Variants in CENPP observed in about 807,000 individuals in gnomAD.
The protein encoded by CENPP is centromere protein P.
A neutral mutation model predicts 35.6 loss-of-function variants in CENPP; 24 were observed. The observed-to-expected ratio is 0.67, with a 90% CI of 0.49 to 0.95. The LOEUF (loss-of-function observed/expected upper bound fraction) is 0.95. CENPP is among the 40% of genes least tolerant of loss of function. The pLI, the probability that CENPP is intolerant of heterozygous loss-of-function variation, is 0.00. For synonymous variants in CENPP, 120 were observed against 125.5 expected, an observed-to-expected ratio of 0.96 and a Z score of 0.29; for missense variants, 332 against 345.3, an observed-to-expected ratio of 0.96 and a Z score of 0.31.
intron 5 of CENPP, among the ~76,000 whole-genome samples, chr9:92,380,701 G>A (rs1046745677): frequency 6.6e-6 from 1 of 151,948 alleles, no homozygotes; most frequent in Non-Finnish European, 1.5e-5. Flanking sequence ...TGTTATATTC[G>A]ATCATAGGTA....
intron 5 of CENPP, among the ~76,000 whole-genome samples, chr9:92,467,716 T>C (rs775228954): frequency 3.9e-5 from 6 of 152,240 alleles, no homozygotes; most frequent in Non-Finnish European, 5.9e-5. Flanking sequence ...TAAACTTGTA[T>C]CTGCACGTTT....
chr9:92,592,888 A>G (rs1432434382), intron 5 of CENPP, among the ~76,000 whole-genome samples: 1 of 152,236 alleles, frequency 6.6e-6, no homozygotes. Context: ...TATACCCAGC[A>G]TTTAACATCA....
At chr9:92,484,190 AC>A (rs939221398) in intron 5 of CENPP, among the ~76,000 whole-genome samples, 9 of 152,300 alleles carry the variant, frequency 5.9e-5, no homozygotes, top group East Asian at 1.9e-4. Context: ...CCAAAAAAAA[AC>A]ATATCATAAT....
chr9:92,470,613 A>T, intron 5 of CENPP: 1 of 940,314 alleles, frequency 1.1e-6, no homozygotes, highest in Non-Finnish European at 1.6e-6. Context: ...TAATCATTAT[A>T]GCAAAGATAC....
intron 5 of CENPP, among the ~76,000 whole-genome samples, chr9:92,533,305 A>AACAAAC (rs1289680784): frequency 2.6e-5 from 1 of 38,024 alleles, no homozygotes; most frequent in Non-Finnish European, 4.4e-5. Flanking sequence ...GTCTCAAACA[A>AACAAAC]AAAAAAAAAA....
intron 4 of CENPP, among the ~76,000 whole-genome samples, chr9:92,355,466 T>A (rs1384053247): frequency 6.6e-6 from 1 of 152,158 alleles, no homozygotes; most frequent in African/African-American, 2.4e-5. Flanking sequence ...AGCCTCCCAG[T>A]ATGCACTACA....
intron 5 of CENPP, chr9:92,403,500 G>A: frequency 6.7e-7 from 1 of 1,483,224 alleles, no homozygotes; most frequent in Non-Finnish European, 8.9e-7. Flanking sequence ...TAAAAATTCA[G>A]ACCATCGAAG....
chr9:92,588,788 GGCTGGGTGCTTTCCT>G (rs1333212881), intron 5 of CENPP, among the ~76,000 whole-genome samples: 1 of 152,136 alleles, frequency 6.6e-6, no homozygotes, highest in East Asian at 1.9e-4. Flanking sequence ...GTGGAACCTT[GGCTGGGTGCTTTCCT>G]GGAAGAAGCT....
chr9:92,325,939 G>T (rs1295802602), upstream of CENPP: 2 of 1,415,890 alleles, frequency 1.4e-6, no homozygotes, highest in East Asian at 5.0e-5. Flanking sequence ...AAGCGCGGGT[G>T]AAGCGCGCAG....
intron 5 of CENPP, among the ~76,000 whole-genome samples, chr9:92,439,095 A>T (rs921617576): frequency 3.3e-5 from 5 of 152,204 alleles, no homozygotes; most frequent in African/African-American, 4.8e-5. Flanking sequence ...CATATGAAGC[A>T]CAATTCTGTT....
chr9:92,359,700 A>G (rs1841690227), intron 4 of CENPP, among the ~76,000 whole-genome samples: 4 of 152,194 alleles, frequency 2.6e-5, no homozygotes, highest in Admixed American at 1.3e-4. Flanking sequence ...ATGTGTAACT[A>G]CAATGGCTGC....
chr9:92,417,856 AGCTGG>A (rs1277941593), intron 5 of CENPP, among the ~76,000 whole-genome samples: 1 of 151,924 alleles, frequency 6.6e-6, no homozygotes, highest in Non-Finnish European at 1.5e-5. Flanking sequence ...CCTCCCAAGT[AGCTGG>A]GACTACAGGT....
intron 4 of CENPP, among the ~76,000 whole-genome samples, chr9:92,364,415 G>T (rs1428516088): frequency 6.6e-6 from 1 of 152,118 alleles, no homozygotes; most frequent in African/African-American, 2.4e-5. Flanking sequence ...GGTTTTGAAA[G>T]ATATCATTCT....
At chr9:92,594,181 AAAC>A (rs1850724400) in intron 5 of CENPP, among the ~76,000 whole-genome samples, 1 of 152,154 alleles carries the variant, frequency 6.6e-6, no homozygotes, top group African/African-American at 2.4e-5. Context: ...GTTTAAGAAA[AAAC>A]CAGGTGAGGG....
At chr9:92,500,556 C>T (rs931874806) in intron 5 of CENPP, among the ~76,000 whole-genome samples, 1 of 152,230 alleles carries the variant, frequency 6.6e-6, no homozygotes, top group African/African-American at 2.4e-5. Context: ...TCCTCACATA[C>T]CTGTCATCCA....
At chr9:92,552,080 C>CATATATGTGATATGATCTATCAT (rs1849618811) in intron 5 of CENPP, among the ~76,000 whole-genome samples, 3 of 74,694 alleles carry the variant, frequency 4.0e-5, no homozygotes, top group Non-Finnish European at 7.6e-5. Flanking sequence ...ATAGATCTAT[C>CATATATGTGATATGATCTATCAT]ATATATGTGA....
intron 5 of CENPP, among the ~76,000 whole-genome samples, chr9:92,395,298 T>C (rs1166716633): frequency 6.6e-6 from 1 of 152,222 alleles, no homozygotes. Flanking sequence ...ATGGAGTATC[T>C]ACTTCCTTTT....
At chr9:92,502,666 A>T in intron 5 of CENPP, 1 of 1,530,768 alleles carries the variant, frequency 6.5e-7, no homozygotes, top group South Asian at 1.2e-5. Context: ...TAATTAAGAG[A>T]GAAGACTATT....
intron 5 of CENPP, among the ~76,000 whole-genome samples, chr9:92,588,422 TA>T (rs1850591957): frequency 6.6e-6 from 1 of 151,282 alleles, no homozygotes; most frequent in South Asian, 2.1e-4. Flanking sequence ...TAATTTTTTG[TA>T]TTTTTTTTTT....
Sources: gnomAD v4.1 joint callset for allele counts (sites outside exome capture counted in the v4.1 genomes callset) on GRCh38, gnomAD v4.1.1 for gene constraint, MANE v1.5 for transcripts, NCBI Gene and HGNC (gene_info 2026-07-23, HGNC 2026-07-21) for gene names.